The following RPRD1A variants were observed in gnomAD, a reference collection of about 807,000 sequenced individuals.
RPRD1A encodes regulation of nuclear pre-mRNA domain containing 1A.
In RPRD1A, 9 loss-of-function variants were observed where a neutral mutation model predicts 37.8. That is an observed-to-expected ratio of 0.24 (90% CI 0.14 to 0.42). RPRD1A has a LOEUF of 0.42. Among genes scored for constraint, RPRD1A ranks in the 10% least tolerant of loss-of-function variants. The pLI is 1.00. For missense variants in RPRD1A, 255 were observed against 371.0 expected (o/e 0.69, Z 2.57); for synonymous variants, 138 against 139.7 (o/e 0.99, Z 0.08).
Position 36,030,987 on chromosome 18 carries a change from T to G in RPRD1A, c.388+4A>C. 1 of 1,594,970 alleles carries G rather than the reference T, an allele frequency of 6.3e-7. No homozygotes were observed. Among genetic ancestry groups the G allele is most frequent in the Non-Finnish European group, 8.5e-7 (1 of 1,173,362 alleles). ...AAGGTAAGAGATCAGGATTCTACAC[T>G]TACACAGAGCTTGTTTAAGTTGTTC... On this transcript the variant is annotated splice_donor_region_variant and intron_variant, in intron 3 of 6. Transcript: ENST00000399022.
At chr18:36,012,417 G>A (rs1910235368) in intron 6 of RPRD1A, among the ~76,000 whole-genome samples, 1 of 152,164 alleles carries the variant, frequency 6.6e-6, no homozygotes, top group Non-Finnish European at 1.5e-5. Context: ...AATGGCCTCA[G>A]GGCCTTCAAG....
intron 6 of RPRD1A, among the ~76,000 whole-genome samples, chr18:36,004,425 T>C (rs1479544070): frequency 6.6e-6 from 1 of 151,896 alleles, no homozygotes; most frequent in Non-Finnish European, 1.5e-5. Context: ...CAACTAATTT[T>C]TGTATTTCTT....
At position 36,051,258 on chromosome 18, in the gene RPRD1A, T is replaced by C. The variant is rs114919285; in HGVS notation, c.151+15996A>G. On this transcript the variant is annotated intron_variant, in intron 1 of 6. Coordinates refer to ENST00000399022, the MANE Select transcript of RPRD1A (RefSeq NM_018170.5). The stretch of plus-strand genomic sequence containing the variant: ...AGTAAGGACAAAAAAGCCTAAGTAG[T>C]AGTATCAAAATCATTTGACCTTTTG... 3.4e-3 allele frequency among the ~76,000 whole-genome samples: 521 copies of C among 152,312 alleles called. 6 individuals carry two copies. Among genetic ancestry groups the C allele is most frequent in the African/African-American group, 0.012 (498 of 41,558 alleles).
At position 36,011,095 on chromosome 18, in the gene RPRD1A, A is replaced by G. The variant is rs562939402; in HGVS notation, c.789+15805T>C. On this transcript the variant is annotated intron_variant, in intron 6 of 6. Coordinates refer to ENST00000399022, the MANE Select transcript of RPRD1A (RefSeq NM_018170.5). ...AGATATGCTAGCTAGAAAATCTCCA[A>G]GTTTTTTTTGTTGGGGGCTAAAACC... 3.9e-5 allele frequency among the ~76,000 whole-genome samples: 6 copies of G among 152,318 alleles called. No homozygotes were observed. In the South Asian group the frequency reaches 1.2e-3, roughly 32 times the overall value.
intron 2 of RPRD1A, among the ~76,000 whole-genome samples, chr18:36,032,701 G>A (rs562532267): frequency 4.6e-5 from 7 of 152,234 alleles, no homozygotes; most frequent in African/African-American, 1.2e-4. Context: ...GGGACTGAAG[G>A]AGAAAGAAGA....
intron 1 of RPRD1A, among the ~76,000 whole-genome samples, chr18:36,044,768 T>G (rs981145660): frequency 1.7e-4 from 26 of 151,996 alleles, no homozygotes; most frequent in African/African-American, 5.5e-4. Context: ...ATGCACAAAA[T>G]GTACCAAGGA....
chr18:36,030,973 T>C lies in RPRD1A; in HGVS notation c.388+18A>G, dbSNP rs545214901. The C allele has an allele frequency of 1.3e-6, 2 of 1,593,858 alleles. No homozygotes were observed. The highest frequency in any genetic ancestry group is 2.3e-5 in the South Asian group (2 of 88,434). On this transcript the variant is annotated intron_variant, in intron 3 of 6. Transcript: ENST00000399022. ...TTAATGAAGAGATCAAGGTAAGAGA[T>C]CAGGATTCTACACTTACACAGAGCT...
At chr18:36,005,879 G>A (rs1053358363) in intron 6 of RPRD1A, among the ~76,000 whole-genome samples, 2 of 151,982 alleles carry the variant, frequency 1.3e-5, no homozygotes, top group African/African-American at 4.8e-5. Context: ...CTATGTTTAC[G>A]ATGACATTTT....
chr18:36,016,465 C>T (rs1173252319), intron 6 of RPRD1A, among the ~76,000 whole-genome samples: 12 of 152,246 alleles, frequency 7.9e-5, no homozygotes, highest in South Asian at 4.1e-4. Context: ...TCAGATGATC[C>T]GCCCGCCTCG....
intron 6 of RPRD1A, among the ~76,000 whole-genome samples, chr18:36,003,543 T>C (rs1568114629): frequency 6.6e-6 from 1 of 152,226 alleles, no homozygotes; most frequent in African/African-American, 2.4e-5. Context: ...CTGTCAAGTA[T>C]ATTACTCGAC....
At chr18:36,025,608 A>G (rs1284562509) in intron 6 of RPRD1A, 1 of 1,285,076 alleles carries the variant, frequency 7.8e-7, no homozygotes, top group Non-Finnish European at 1.0e-6. Flanking sequence ...TCAGGGTTTG[A>G]TATTTATTTT....
intron 1 of RPRD1A, among the ~76,000 whole-genome samples, chr18:36,039,753 A>G (rs867775953): frequency 2.0e-5 from 3 of 152,258 alleles, no homozygotes; most frequent in African/African-American, 7.2e-5. Context: ...TAAATACAAT[A>G]AACAGCTAAA....
At chr18:36,033,985 A>G in intron 1 of RPRD1A, 148 bp from the exon 2 acceptor site, 1 of 598,164 alleles carries the variant, frequency 1.7e-6, no homozygotes, top group East Asian at 3.0e-5. Flanking sequence ...TTTTACTACC[A>G]AACTAACCAG....
At position 36,067,245 on chromosome 18, in the gene RPRD1A, T is replaced by C. The variant is rs769378218; in HGVS notation, c.151+9A>G. ...GGTGGGAAGCGGCCGACATAAGCGGTTGACTCACCTTTCCGCAGCTCCCGC... is the reference window on the plus strand; with the variant it reads ...GGTGGGAAGCGGCCGACATAAGCGGCTGACTCACCTTTCCGCAGCTCCCGC... On this transcript the variant is annotated intron_variant, in intron 1 of 6. Transcript: ENST00000399022. The C allele has an allele frequency of 1.9e-6, 3 of 1,574,518 alleles. No homozygotes were observed. The highest frequency in any genetic ancestry group is 1.4e-5 in the African/African-American group (1 of 73,566).
chr18:36,046,887 T>TA (rs140735259), intron 1 of RPRD1A, among the ~76,000 whole-genome samples: 35,127 of 131,704 alleles, frequency 0.27, 4,415 homozygotes, highest in African/African-American at 0.34. Context: ...ATGCATCCAC[T>TA]AAAAAAAAAA....
At chr18:36,031,433 A>C (rs1244281828) in intron 2 of RPRD1A, among the ~76,000 whole-genome samples, 1 of 152,204 alleles carries the variant, frequency 6.6e-6, no homozygotes, top group African/African-American at 2.4e-5. Context: ...ATTTTTTTAA[A>C]TTTATTCAAC....
chr18:36,015,616 T>G (rs1464424062), intron 6 of RPRD1A, among the ~76,000 whole-genome samples: 1 of 152,210 alleles, frequency 6.6e-6, no homozygotes, highest in Admixed American at 6.5e-5. Flanking sequence ...AGTGTATACA[T>G]TCAATGGATT....
chr18:36,012,528 T>C (rs779018437), intron 6 of RPRD1A, among the ~76,000 whole-genome samples: 2 of 152,212 alleles, frequency 1.3e-5, no homozygotes, highest in Non-Finnish European at 2.9e-5. Context: ...GTTTGTAGCC[T>C]AGAAGCAATA....
At chr18:36,056,294 GT>G (rs1037074818) in intron 1 of RPRD1A, among the ~76,000 whole-genome samples, 6 of 148,022 alleles carry the variant, frequency 4.1e-5, no homozygotes, top group Non-Finnish European at 4.5e-5. Flanking sequence ...GGGTTTTTGT[GT>G]TTTTTTTTTG....
Sources: gnomAD v4.1 joint callset for allele counts (sites outside exome capture counted in the v4.1 genomes callset) on GRCh38, gnomAD v4.1.1 for gene constraint, MANE v1.5 for transcripts, NCBI Gene and HGNC (gene_info 2026-07-23, HGNC 2026-07-21) for gene names.